Variants in WIPF1 observed in about 807,000 individuals in gnomAD.
WIPF1 encodes the protein WAS/WASL interacting protein family member 1.
In WIPF1, 13 loss-of-function variants were observed where a neutral mutation model predicts 35.4. That is an observed-to-expected ratio of 0.37 (90% CI 0.24 to 0.58). The LOEUF (loss-of-function observed/expected upper bound fraction) is 0.58, where lower values mean the gene tolerates loss of function less well. Among genes scored for constraint, WIPF1 ranks in the 20% least tolerant of loss-of-function variants. WIPF1 has a pLI of 0.74. For missense variants in WIPF1, 591 were observed against 667.0 expected, an observed-to-expected ratio of 0.89 and a Z score of 1.25; for synonymous variants, 267 against 266.3, an observed-to-expected ratio of 1.00 and a Z score of -0.02.
At position 174,575,006 on chromosome 2, in the gene WIPF1, T is replaced by C. The variant is rs1466462946; in HGVS notation, c.358+198A>G. On this transcript the variant is annotated intron_variant, in intron 4 of 7. Transcript: ENST00000679041. ...CCAAAGACACTGGGTGAAAATTTCA[T>C]AGTTCTGTGTAGCTGTCTGATCCTG... 10 of 828,784 alleles carry C rather than the reference T, an allele frequency of 1.2e-5. 1 individual carries two copies. The highest frequency in any genetic ancestry group is 2.5e-5 in the East Asian group (1 of 40,380). The allele number at this position is 828,784 out of a possible 1,614,324, so 51.3% of individuals were successfully genotyped here.
At chr2:174,595,021 G>GGGAAGATA (rs1685747421) in intron 1 of WIPF1, among the ~76,000 whole-genome samples, 1 of 139,186 alleles carries the variant, frequency 7.2e-6, no homozygotes, top group Non-Finnish European at 1.5e-5. Context: ...AGGCCAGGGT[G>GGGAAGATA]GGAAGATAGC....
At chr2:174,632,950 ACCAGGTACAAGAGG>A (rs1164203923) in intron 1 of WIPF1, among the ~76,000 whole-genome samples, 1 of 152,138 alleles carries the variant, frequency 6.6e-6, no homozygotes, top group Non-Finnish European at 1.5e-5. Flanking sequence ...CAAGGGCAGT[ACCAGGTACAAGAGG>A]CCTTCCTACT....
chr2:174,636,647 C>A (rs77899306), intron 1 of WIPF1, among the ~76,000 whole-genome samples: 9,772 of 152,272 alleles, frequency 0.064, 435 homozygotes, highest in Non-Finnish European at 0.099. Flanking sequence ...GTGTTTCTTA[C>A]GCTCCACTTG....
chr2:174,620,692 G>A (rs985847172), intron 1 of WIPF1, among the ~76,000 whole-genome samples: 1 of 152,180 alleles, frequency 6.6e-6, no homozygotes, highest in East Asian at 1.9e-4. Flanking sequence ...ACCAAGGTAA[G>A]AAAAGAGGGA....
intron 1 of WIPF1, among the ~76,000 whole-genome samples, chr2:174,637,337 T>C (rs1687205223): frequency 1.3e-5 from 2 of 152,184 alleles, no homozygotes; most frequent in Admixed American, 1.3e-4. Flanking sequence ...ATGATTTTGG[T>C]TTCTTTTTTT....
At chr2:174,598,247 A>C (rs1685883962), upstream of WIPF1, 1 of 152,212 alleles carries the variant, frequency 6.6e-6, no homozygotes, top group African/African-American at 2.4e-5. Context: ...GAAAGTTACA[A>C]ATGCAGGTAA....
intron 1 of WIPF1, among the ~76,000 whole-genome samples, chr2:174,588,383 A>G (rs964042704): frequency 1.7e-4 from 26 of 152,180 alleles, no homozygotes; most frequent in African/African-American, 6.0e-4. Flanking sequence ...CTGGTCAACT[A>G]ACAGGAACCT....
chr2:174,613,217 C>G (rs757154498), intron 1 of WIPF1, among the ~76,000 whole-genome samples: 2 of 152,212 alleles, frequency 1.3e-5, no homozygotes, highest in Non-Finnish European at 2.9e-5. Context: ...TTAGTGTTCA[C>G]AAGACCAAAG....
chr2:174,596,690 C>G (rs1015136892), intron 1 of WIPF1, among the ~76,000 whole-genome samples: 14 of 152,092 alleles, frequency 9.2e-5, no homozygotes, highest in Non-Finnish European at 1.8e-4. Flanking sequence ...GAGTTTGAGA[C>G]CAGCCTGACC....
In WIPF1 at chr2:174,572,458, GA is replaced by G. The variant is rs1241326028; in HGVS notation, c.359-13del. 1 of 1,613,944 alleles carries G rather than the reference GA, an allele frequency of 6.2e-7. No individual in the cohort carries two copies. The highest frequency in any genetic ancestry group is 8.5e-7 in the Non-Finnish European group (1 of 1,180,020). ...GCTTCCTCCAGAATCTGAAGAACAG[GA>G]AAACAAACATCAGTTAGGAAATCAG... On this transcript the variant is annotated splice_polypyrimidine_tract_variant and intron_variant, in intron 4 of 7. Transcript: ENST00000679041.
rs541825773 is a variant in WIPF1 at position 174,663,200 on chromosome 2, G to A, written c.-39+19574C>T. Among the ~76,000 whole-genome samples the A allele has an allele frequency of 5.9e-5, 9 of 152,306 alleles. No individual in the cohort carries two copies. In the South Asian group the frequency reaches 1.7e-3, roughly 28 times the overall value. On this transcript the variant is annotated intron_variant, in intron 1 of 8. Coordinates refer to the WIPF1 transcript ENST00000272746. ...TGAGCAAGGTGGTGCTCTAGAAAAA[G>A]TCACTTTCCTGACCTGAATTTAGGA...
rs1216294787 is a variant in WIPF1, at chr2:174,562,521, C to T, written c.*26G>A. 1 of 1,614,130 alleles carries T rather than the reference C, an allele frequency of 6.2e-7. No individual in the cohort carries two copies. The highest frequency in any genetic ancestry group is 8.5e-7 in the Non-Finnish European group (1 of 1,180,002). On this transcript the variant is annotated 3_prime_UTR_variant, in exon 8 of 8. Coordinates refer to ENST00000679041, the MANE Select transcript of WIPF1 (RefSeq NM_001375834.1). ...GATAGCAACAGAAGCAGCTCTTGAG[C>T]TTGGGTAGAGAAGAGCAGGCAAAGA...
chr2:174,568,167 C>A (rs748180254), intron 5 of WIPF1, 94 bp from the exon 6 acceptor site: 167 of 1,361,436 alleles, frequency 1.2e-4, no homozygotes, highest in Non-Finnish European at 1.4e-4. Flanking sequence ...ACTTGCTGGA[C>A]ACATGCCCTT....
chr2:174,607,487 G>A (rs1451121082), intron 1 of WIPF1, among the ~76,000 whole-genome samples: 1 of 152,178 alleles, frequency 6.6e-6, no homozygotes, highest in African/African-American at 2.4e-5. Context: ...AACTTCAAGG[G>A]ACACATACAA....
At chr2:174,585,276 A>G (rs553271111) in intron 2 of WIPF1, among the ~76,000 whole-genome samples, 24 of 152,204 alleles carry the variant, frequency 1.6e-4, no homozygotes, top group Non-Finnish European at 3.1e-4. Flanking sequence ...ATGCGGCAGA[A>G]AACACCTCAT....
chr2:174,617,876 T>G (rs1045930523), intron 1 of WIPF1, among the ~76,000 whole-genome samples: 1 of 152,248 alleles, frequency 6.6e-6, no homozygotes, highest in Non-Finnish European at 1.5e-5. Flanking sequence ...CAATGTGACC[T>G]GATGCAGAGG....
At position 174,590,891 on chromosome 2, in the gene WIPF1, C is replaced by G. The variant is rs1685581282; in HGVS notation, c.-38-5280G>C. ...GACTTCTACAAACACAAAGAAAACT[C>G]AAGGGACAGAAAAGGCTTTTGTTTT... On this transcript the variant is annotated intron_variant, in intron 1 of 7. Transcript: ENST00000679041. This position sits in a 1 kb window ranked among gnomAD's most constrained non-coding sequence, Gnocchi z 4.6. 6.6e-6 allele frequency among the ~76,000 whole-genome samples: 1 copy of G among 152,182 alleles called. No individual in the cohort carries two copies. The highest frequency in any genetic ancestry group is 1.5e-5 in the Non-Finnish European group (1 of 68,028).
chr2:174,564,033 C>A, intron 7 of WIPF1, among the ~76,000 whole-genome samples: 1 of 152,210 alleles, frequency 6.6e-6, no homozygotes, highest in East Asian at 1.9e-4. Flanking sequence ...TCAACTGACC[C>A]GCCACAAGTG....
Position 174,571,963 on chromosome 2 carries a change from G to A in WIPF1, c.842C>T (p.Ala281Val). The change falls in exon 5 of 8, where the codon GCG becomes GTG. Residue 281 changes from alanine (A) to valine (V), a missense_variant. By Grantham distance (64) the Ala-to-Val change is moderately conservative. Coordinates refer to ENST00000679041, the MANE Select transcript of WIPF1 (RefSeq NM_001375834.1). This position sits in a 1 kb window ranked among gnomAD's most constrained non-coding sequence, Gnocchi z 4.6. Reference protein sequence around the residue: ...VGNRPSIHREAVPPPPPQNNK... With the variant: ...VGNRPSIHREVVPPPPPQNNK... The stretch of plus-strand genomic sequence containing the variant: ...GTTCTGAGGAGGAGGAGGGGGAACC[G>A]CTTCCCTGTGGATGGAGGGCCTGTT... 1.3e-6 allele frequency: 2 copies of A among 1,568,518 alleles called. No homozygotes were observed. The highest frequency in any genetic ancestry group is 1.7e-6 in the Non-Finnish European group (2 of 1,158,916).
Sources: gnomAD v4.1 joint callset for allele counts (sites outside exome capture counted in the v4.1 genomes callset) on GRCh38, gnomAD v4.1.1 for gene constraint, Gnocchi (gnomAD v3.1) non-coding constraint, MANE v1.5 for transcripts, NCBI Gene and HGNC (gene_info 2026-07-23, HGNC 2026-07-21) for gene names.